The following ATP10B variants were observed in gnomAD, a reference collection of about 807,000 sequenced individuals.
ATP10B encodes phospholipid-transporting ATPase VB.
In ATP10B, 122 loss-of-function variants were observed where a neutral mutation model predicts 141.2. The observed-to-expected ratio is 0.86, with a 90% CI of 0.75 to 1.00. ATP10B has a LOEUF of 1.00. Ranked by LOEUF, ATP10B falls within the 50% of genes least tolerant of loss-of-function variation. ATP10B has a pLI of 0.00. For synonymous variants in ATP10B, 685 were observed against 692.0 expected (o/e 0.99, Z 0.16); for missense variants, 1,876 against 1,825.3 (o/e 1.03, Z -0.51).
chr5:160,750,933 C>T (rs948290021), intron 2 of ATP10B, among the ~76,000 whole-genome samples: 1 of 152,202 alleles, frequency 6.6e-6, no homozygotes, highest in Non-Finnish European at 1.5e-5. Flanking sequence ...CTCTCCCCTA[C>T]ACTTTCTTTA....
intron 1 of ATP10B, among the ~76,000 whole-genome samples, chr5:160,802,669 A>T (rs1348604862): frequency 6.6e-6 from 1 of 152,206 alleles, no homozygotes; most frequent in African/African-American, 2.4e-5. Flanking sequence ...TGCTTAAGGC[A>T]CTTGAGTTCT....
intron 10 of ATP10B, among the ~76,000 whole-genome samples, chr5:160,637,912 C>G (rs1023575510): frequency 6.6e-5 from 10 of 152,062 alleles, no homozygotes; most frequent in Admixed American, 2.0e-4. Context: ...TGACTAAGGA[C>G]AAAACACATG....
the ATP10B span, among the ~76,000 whole-genome samples, chr5:160,909,037 G>A: frequency 6.6e-6 from 1 of 152,174 alleles, no homozygotes; most frequent in African/African-American, 2.4e-5. Flanking sequence ...TCTGGGGAAT[G>A]AATGGTGGAT....
At chr5:160,926,305 G>A in the ATP10B span, among the ~76,000 whole-genome samples, 68 of 152,256 alleles carry the variant, frequency 4.5e-4, no homozygotes, top group African/African-American at 1.5e-3. Context: ...ATTCAAGCCC[G>A]GGTCTTCAGA....
At chr5:160,739,641 C>T in intron 2 of ATP10B, among the ~76,000 whole-genome samples, 1 of 152,212 alleles carries the variant, frequency 6.6e-6, no homozygotes, top group Non-Finnish European at 1.5e-5. Context: ...ATTCCATCCA[C>T]TCACAGAGAC....
At chr5:160,619,374 G>A (rs1561659277) in intron 15 of ATP10B, among the ~76,000 whole-genome samples, 1 of 152,178 alleles carries the variant, frequency 6.6e-6, no homozygotes, top group Non-Finnish European at 1.5e-5. Flanking sequence ...TCAATCAGGT[G>A]AGGAGCAAAT....
intron 1 of ATP10B, among the ~76,000 whole-genome samples, chr5:160,802,096 C>G (rs1035214530): frequency 2.6e-5 from 4 of 152,290 alleles, no homozygotes; most frequent in Admixed American, 2.6e-4. Context: ...ATTTCTGCGA[C>G]AACTTTTCCC....
chr5:160,918,584 TACTC>T, the ATP10B span, among the ~76,000 whole-genome samples: 1 of 152,216 alleles, frequency 6.6e-6, no homozygotes, highest in African/African-American at 2.4e-5. Context: ...AAATCCTACT[TACTC>T]AGCACTTTCC....
intron 1 of ATP10B, among the ~76,000 whole-genome samples, chr5:160,837,045 A>G (rs911112798): frequency 6.6e-6 from 1 of 152,128 alleles, no homozygotes; most frequent in Non-Finnish European, 1.5e-5. Context: ...AGGCATATAC[A>G]TACACGATCT....
At chr5:160,856,555 T>G (rs540841637), upstream of ATP10B, among the ~76,000 whole-genome samples, 32 of 151,962 alleles carry the variant, frequency 2.1e-4, no homozygotes, top group African/African-American at 7.7e-4. Context: ...ATAAAAGTGA[T>G]GAGAGTGAAC....
intron 2 of ATP10B, among the ~76,000 whole-genome samples, chr5:160,779,950 G>T (rs527419907): frequency 1.1e-4 from 16 of 152,272 alleles, no homozygotes; most frequent in African/African-American, 3.6e-4. Flanking sequence ...GAATCCAGAT[G>T]CAGTCTCAGA....
In ATP10B at chr5:160,670,487, A is replaced by G. The variant is rs1161467802; in HGVS notation, c.651T>C (p.Cys217=). The G allele has an allele frequency of 6.2e-7, 1 of 1,613,834 alleles. No homozygotes were observed. Among genetic ancestry groups the G allele is most frequent in the Non-Finnish European group, 8.5e-7 (1 of 1,180,004 alleles). ...LDGETNLKQR[C]VVKGFSQQEV... is the part of the protein sequence containing the mutation. ...CCTGCTGTGAGAAGCCCTTCACGAC[A>G]CATCTTTGCTTGAGGTTTGTCTCTC... Residue 217 remains cysteine, a synonymous_variant, in exon 7 of 26, where the codon TGT becomes TGC. Coordinates refer to ENST00000327245, the MANE Select transcript of ATP10B (RefSeq NM_025153.3).
rs896003828 is a variant in ATP10B at position 160,670,407 on chromosome 5, G to A, written c.675+56C>T. ...AGGTTTAGTTCAATTTTCCAGTAGG[G>A]TAGGCTTGCATCCTTTCTATGACTT... On this transcript the variant is annotated intron_variant, in intron 7 of 25. Transcript: ENST00000327245. 1.5e-5 allele frequency: 23 copies of A among 1,574,372 alleles called. No individual in the cohort carries two copies. In the Middle Eastern group the frequency reaches 8.4e-4, roughly 57 times the overall value.
At chr5:160,685,388 G>C in intron 6 of ATP10B, 1 of 515,406 alleles carries the variant, frequency 1.9e-6, no homozygotes, top group Non-Finnish European at 3.4e-6. Context: ...CAGAGAACAG[G>C]TGTGTATCCA....
In ATP10B at chr5:160,622,394, C is replaced by A. The variant is rs1162447439; in HGVS notation, c.1812G>T (p.Arg604Ser). The A allele has an allele frequency of 1.9e-6, 3 of 1,611,254 alleles. No individual in the cohort carries two copies. Among genetic ancestry groups the A allele is most frequent in the Non-Finnish European group, 2.5e-6 (3 of 1,178,916 alleles). ...MVSTTTEPRQ[R>S]VTIKPSSKAL... Reference sequence around the variant, plus strand: ...TCCCCCAGCCATCGCTGGTCCTTACCCTCTGCCTGGGCTCGGTGGTTGTGG... The same window carrying A: ...TCCCCCAGCCATCGCTGGTCCTTACACTCTGCCTGGGCTCGGTGGTTGTGG... The change falls in exon 14 of 26, where the codon AGG (arginine) becomes AGT (serine). Residue 604 changes from arginine (R) to serine (S), a missense_variant and splice_region_variant. Transcript: ENST00000327245.
intron 1 of ATP10B, among the ~76,000 whole-genome samples, chr5:160,822,165 G>GA (rs926071961): frequency 1.3e-5 from 2 of 151,786 alleles, no homozygotes; most frequent in African/African-American, 2.4e-5. Flanking sequence ...AACTCTACAG[G>GA]AAAAAAATCT....
At chr5:160,667,728 T>C (rs146705444) in intron 7 of ATP10B, among the ~76,000 whole-genome samples, 133 of 152,284 alleles carry the variant, frequency 8.7e-4, no homozygotes, top group African/African-American at 3.1e-3. Flanking sequence ...GACTCTTCAT[T>C]CCAGCTAAAT....
At chr5:160,849,721 T>C (rs1013527023) in intron 1 of ATP10B, among the ~76,000 whole-genome samples, 2 of 152,074 alleles carry the variant, frequency 1.3e-5, no homozygotes, top group East Asian at 1.9e-4. Flanking sequence ...GTAATTCATA[T>C]GCAAGTTTTA....
the ATP10B span, among the ~76,000 whole-genome samples, chr5:160,877,000 AC>A: frequency 4.7e-5 from 7 of 150,130 alleles, no homozygotes; most frequent in Admixed American, 6.7e-5. Context: ...ATTCCAATCA[AC>A]AGAAAAAGAG....
Sources: allele counts gnomAD v4.1 joint callset (sites outside exome capture counted in the v4.1 genomes callset), GRCh38; gene constraint gnomAD v4.1.1; transcripts MANE v1.5; gene names NCBI Gene and HGNC (gene_info 2026-07-23, HGNC 2026-07-21).